The following SLC35F1 variants were observed in gnomAD, a reference collection of about 807,000 sequenced individuals.
SLC35F1 encodes the protein solute carrier family 35 member F1.
SLC35F1 carries 14 observed loss-of-function variants against 48.7 expected under a neutral mutation model. The observed-to-expected ratio is 0.29, with a 90% CI of 0.19 to 0.45. The LOEUF (loss-of-function observed/expected upper bound fraction) is 0.45, where lower values mean the gene tolerates loss of function less well. Ranked by LOEUF, SLC35F1 falls within the 20% of genes least tolerant of loss-of-function variation. The pLI, the probability that SLC35F1 is intolerant of heterozygous loss-of-function variation, is 1.00. For missense variants in SLC35F1, 404 were observed against 500.0 expected (o/e 0.81, Z 1.83); for synonymous variants, 190 against 202.2 (o/e 0.94, Z 0.51).
chr6:118,245,904 G>A (rs1014347383), intron 3 of SLC35F1, among the ~76,000 whole-genome samples: 18 of 152,170 alleles, frequency 1.2e-4, no homozygotes, highest in Non-Finnish European at 2.5e-4. Context: ...ACTTCAGAGA[G>A]GGCACATCTT....
intron 1 of SLC35F1, among the ~76,000 whole-genome samples, chr6:117,951,870 A>T (rs112645046): frequency 5.3e-5 from 8 of 152,186 alleles, no homozygotes; most frequent in African/African-American, 1.9e-4. Context: ...TTCAGTCCTG[A>T]TTGCCAATGG....
intron 3 of SLC35F1, among the ~76,000 whole-genome samples, chr6:118,254,439 G>A (rs3900941): frequency 0.072 from 11,003 of 152,024 alleles, 428 homozygotes; most frequent in Middle Eastern, 0.14. Context: ...GTGCCACCAC[G>A]CCTAGCTTAT....
At chr6:117,935,183 C>A (rs1207754105) in intron 1 of SLC35F1, among the ~76,000 whole-genome samples, 2 of 152,206 alleles carry the variant, frequency 1.3e-5, no homozygotes, top group African/African-American at 4.8e-5. Flanking sequence ...ACCAAGAAAA[C>A]CTATCTATCT....
At chr6:117,997,918 A>G (rs970744554) in intron 1 of SLC35F1, among the ~76,000 whole-genome samples, 4 of 152,046 alleles carry the variant, frequency 2.6e-5, no homozygotes, top group Non-Finnish European at 5.9e-5. Flanking sequence ...AAATTCACAC[A>G]CAACAATATT....
chr6:118,127,481 T>C (rs1223960697), intron 1 of SLC35F1, among the ~76,000 whole-genome samples: 3 of 152,072 alleles, frequency 2.0e-5, no homozygotes, highest in Non-Finnish European at 4.4e-5. Flanking sequence ...GGTATCAGGA[T>C]GATGCTGGCC....
intron 1 of SLC35F1, among the ~76,000 whole-genome samples, chr6:118,101,483 T>G (rs1024208163): frequency 3.9e-5 from 6 of 152,188 alleles, no homozygotes; most frequent in Admixed American, 2.6e-4. Flanking sequence ...GTTAAGCAAG[T>G]CTGCCTCTGA....
chr6:118,140,611 T>C (rs1773874549), intron 1 of SLC35F1, among the ~76,000 whole-genome samples: 1 of 147,936 alleles, frequency 6.8e-6, no homozygotes, highest in Admixed American at 6.8e-5. Context: ...TTTTTTTTTG[T>C]ATAAAAGTTA....
At chr6:117,918,642 G>C (rs1775857184) in intron 1 of SLC35F1, among the ~76,000 whole-genome samples, 1 of 152,158 alleles carries the variant, frequency 6.6e-6, no homozygotes, top group Admixed American at 6.5e-5. Flanking sequence ...CTAAAGAAGT[G>C]TTATGTGTAA....
chr6:117,944,580 CACACAT>C (rs1554218245), intron 1 of SLC35F1, among the ~76,000 whole-genome samples: 124 of 148,594 alleles, frequency 8.3e-4, no homozygotes, highest in South Asian at 3.8e-3. Context: ...TCCCAAAACA[CACACAT>C]ACACATACAC....
In SLC35F1 at chr6:117,934,478, A is replaced by G. The variant is rs2760228; in HGVS notation, c.173+26579A>G. Among the ~76,000 whole-genome samples the G allele has an allele frequency of 5.7e-3, 869 of 152,338 alleles. 8 individuals carry two copies. The highest frequency in any genetic ancestry group is 0.02 in the African/African-American group (812 of 41,576). The stretch of plus-strand genomic sequence containing the variant: ...TACTTAATAGTCGCAAAATAGCCTC[A>G]ATAATTCATATATAGGTTTACCTCA... On this transcript the variant is annotated intron_variant, in intron 1 of 7. Transcript: ENST00000360388.
chr6:118,275,319 A>T, intron 4 of SLC35F1, 140 bp from the exon 5 acceptor site: 1 of 919,668 alleles, frequency 1.1e-6, no homozygotes, highest in Non-Finnish European at 1.6e-6. Flanking sequence ...AACTTTACTA[A>T]ATCTCAGTTG....
intron 2 of SLC35F1, among the ~76,000 whole-genome samples, chr6:118,187,064 G>T (rs1339167156): frequency 6.6e-6 from 1 of 152,194 alleles, no homozygotes; most frequent in African/African-American, 2.4e-5. Context: ...ATTCTGGAGA[G>T]ATCTCATTTT....
At chr6:118,115,111 C>A (rs1773459266) in intron 1 of SLC35F1, among the ~76,000 whole-genome samples, 1 of 152,150 alleles carries the variant, frequency 6.6e-6, no homozygotes, top group Admixed American at 6.5e-5. Flanking sequence ...GTGGCTGGTC[C>A]AGCAGAGTGT....
chr6:118,292,686 TG>T (rs1490017515), intron 7 of SLC35F1, among the ~76,000 whole-genome samples: 4 of 85,500 alleles, frequency 4.7e-5, no homozygotes, highest in East Asian at 2.2e-4. Flanking sequence ...ATTATTTGGT[TG>T]TTTTTTTTTT....
Position 117,995,913 on chromosome 6 carries a change from A to G in SLC35F1, c.173+88014A>G, listed in dbSNP as rs547050179. 6.6e-5 allele frequency among the ~76,000 whole-genome samples: 10 copies of G among 152,332 alleles called. No individual in the cohort carries two copies. In the East Asian group the frequency reaches 1.7e-3, roughly 26 times the overall value. ...ATTTGAAAGTGAGAAAAGAAAATGC[A>G]TATTTTCTGTTTTTCACAAGAGCAA... On this transcript the variant is annotated intron_variant, in intron 1 of 7. Coordinates refer to ENST00000360388, the MANE Select transcript of SLC35F1 (RefSeq NM_001029858.4).
intron 1 of SLC35F1, among the ~76,000 whole-genome samples, chr6:118,043,647 G>A (rs1397918347): frequency 6.6e-6 from 1 of 151,842 alleles, no homozygotes; most frequent in African/African-American, 2.4e-5. Context: ...TATTTCACTG[G>A]GCATTTTCAT....
intron 6 of SLC35F1, among the ~76,000 whole-genome samples, chr6:118,280,943 C>T (rs988009314): frequency 1.3e-5 from 2 of 151,560 alleles, no homozygotes; most frequent in South Asian, 4.2e-4. Context: ...GGTGACTTGA[C>T]GAGCATTACA....
intron 1 of SLC35F1, among the ~76,000 whole-genome samples, chr6:117,966,194 T>C (rs1315369677): frequency 7.4e-6 from 1 of 134,944 alleles, no homozygotes; most frequent in East Asian, 2.3e-4. Context: ...TCCCTGTCCA[T>C]GCTGTGGAAG....
chr6:117,948,740 T>C (rs1191563449), intron 1 of SLC35F1, among the ~76,000 whole-genome samples: 1 of 152,172 alleles, frequency 6.6e-6, no homozygotes. Context: ...ATGTGTGCTA[T>C]AGTGGAAATG....
Sources: allele counts gnomAD v4.1 joint callset (sites outside exome capture counted in the v4.1 genomes callset), GRCh38; gene constraint gnomAD v4.1.1; transcripts MANE v1.5; gene names NCBI Gene and HGNC (gene_info 2026-07-23, HGNC 2026-07-21).